CPED1: variants seen among roughly 807,000 people sequenced by gnomAD.
CPED1 encodes the protein cadherin-like and PC-esterase domain-containing protein 1.
A neutral mutation model predicts 128.2 loss-of-function variants in CPED1; 114 were observed. That is an observed-to-expected ratio of 0.89 (90% CI 0.76 to 1.04). The LOEUF (loss-of-function observed/expected upper bound fraction) is 1.04, where lower values mean the gene tolerates loss of function less well. Ranked by LOEUF, CPED1 falls within the 50% of genes least tolerant of loss-of-function variation. The probability of loss-of-function intolerance (pLI) is 0.00; values close to 1 mark genes in which losing one functional copy is unlikely to be tolerated. For missense variants in CPED1, 1,211 were observed against 1,207.1 expected (o/e 1.00, Z -0.05); for synonymous variants, 462 against 426.7 (o/e 1.08, Z -1.02).
At chr7:121,176,538 A>G (rs1450444772) in intron 16 of CPED1, among the ~76,000 whole-genome samples, 2 of 152,112 alleles carry the variant, frequency 1.3e-5, no homozygotes, top group Non-Finnish European at 2.9e-5. Context: ...GAGAATAACA[A>G]GAAAAATTAA....
intron 18 of CPED1, 52 bp downstream of exon 18, chr7:121,244,390 C>CT: frequency 6.3e-7 from 1 of 1,598,240 alleles, no homozygotes; most frequent in South Asian, 1.1e-5. Flanking sequence ...ACCTGAAGTA[C>CT]TAAAAATCGT....
intron 16 of CPED1, among the ~76,000 whole-genome samples, chr7:121,231,129 C>T (rs1798131728): frequency 6.6e-6 from 1 of 152,054 alleles, no homozygotes; most frequent in South Asian, 2.1e-4. Context: ...AAGGTCAGAC[C>T]TTAAAGGCTG....
intron 7 of CPED1, among the ~76,000 whole-genome samples, chr7:121,122,168 T>C (rs1248622952): frequency 8.1e-6 from 1 of 124,168 alleles, no homozygotes; most frequent in Non-Finnish European, 1.6e-5. Context: ...TGAGACAGAG[T>C]CTCGCTCTGT....
chr7:121,042,438 A>C (rs1341085189), intron 3 of CPED1, among the ~76,000 whole-genome samples: 1 of 152,156 alleles, frequency 6.6e-6, no homozygotes, highest in Non-Finnish European at 1.5e-5. Context: ...CTGTTTCCTC[A>C]CTTGTAAAGC....
intron 21 of CPED1, among the ~76,000 whole-genome samples, chr7:121,268,607 C>T (rs192658569): frequency 7.4e-4 from 113 of 151,964 alleles, no homozygotes; most frequent in Non-Finnish European, 7.2e-4. Flanking sequence ...TCTCCGTAGA[C>T]TTATCCCTTG....
chr7:121,194,037 TATATA>T lies in CPED1; in HGVS notation c.2056-42676_2056-42672del, dbSNP rs1797210386. ...CTCTCTCTCTCTATATATATATATATATATATATATATTTTTTTTTTTTTTTTTTG... is the reference window on the plus strand; with the variant it reads ...CTCTCTCTCTCTATATATATATATATTATATATTTTTTTTTTTTTTTTTTG... On this transcript the variant is annotated intron_variant, in intron 16 of 22. Coordinates refer to ENST00000310396, the MANE Select transcript of CPED1 (RefSeq NM_024913.5). Among the ~76,000 whole-genome samples the T allele has an allele frequency of 3.6e-5, 4 of 110,112 alleles. 1 individual carries two copies. The highest frequency in any genetic ancestry group is 1.5e-4 in the African/African-American group (4 of 27,232). 72.2% of individuals were successfully genotyped at this position (110,112 alleles called of 152,430 possible). A position where few individuals can be genotyped will look rare whatever the true frequency, so the allele number is the denominator to read the frequency against.
chr7:121,004,635 A>T (rs974206939), intron 2 of CPED1, among the ~76,000 whole-genome samples: 9 of 152,190 alleles, frequency 5.9e-5, no homozygotes, highest in Non-Finnish European at 1.0e-4. Context: ...GATGAGAAGC[A>T]CATTTTGTGG....
chr7:121,014,565 T>TAA (rs1178673534), intron 2 of CPED1, among the ~76,000 whole-genome samples: 2 of 137,744 alleles, frequency 1.5e-5, no homozygotes, highest in East Asian at 2.1e-4. Context: ...AAAAAAATAA[T>TAA]AATAATAATA....
At chr7:121,105,131 G>T (rs1794942902) in intron 7 of CPED1, among the ~76,000 whole-genome samples, 2 of 152,038 alleles carry the variant, frequency 1.3e-5, no homozygotes, top group Non-Finnish European at 2.9e-5. Flanking sequence ...CAGCAAATGT[G>T]CACAGAGGGC....
rs138338760 is a variant in CPED1, at chr7:121,183,829, T to C, written c.2055+41688T>C. 2.1e-3 allele frequency among the ~76,000 whole-genome samples: 321 copies of C among 152,284 alleles called. 1 individual carries two copies. The highest frequency in any genetic ancestry group is 7.4e-3 in the African/African-American group (308 of 41,564). On this transcript the variant is annotated intron_variant, in intron 16 of 22. Transcript: ENST00000310396. ...TATTAGACTGTTGATGATTAAAGAT[T>C]CATACAATTCACTTGGGGGTAGAGA...
rs539381950 is a variant in CPED1 at position 121,044,500 on chromosome 7, TATTA to T, written c.434-2381_434-2378del. On this transcript the variant is annotated intron_variant, in intron 3 of 22. Transcript: ENST00000310396. ...GTATTTTTAAATTATTAATTTAAAA[TATTA>T]ATTAAATATCTTTGAGGGATGAGGT... Among the ~76,000 whole-genome samples the T allele has an allele frequency of 1.6e-4, 24 of 152,088 alleles. No homozygotes were observed. The East Asian group carries it at 4.6e-3, about 29-fold the overall frequency.
intron 3 of CPED1, among the ~76,000 whole-genome samples, chr7:121,039,712 A>C (rs1353079088): frequency 6.6e-6 from 1 of 152,080 alleles, no homozygotes; most frequent in Non-Finnish European, 1.5e-5. Context: ...CATAAATGGC[A>C]TGAACACCTT....
intron 4 of CPED1, among the ~76,000 whole-genome samples, chr7:121,060,373 A>G (rs972799093): frequency 1.3e-5 from 2 of 152,232 alleles, no homozygotes; most frequent in Non-Finnish European, 2.9e-5. Flanking sequence ...CCGGTGCGGG[A>G]TCCACTGGGT....
intron 16 of CPED1, among the ~76,000 whole-genome samples, chr7:121,221,692 A>G (rs1022105273): frequency 6.6e-6 from 1 of 152,110 alleles, no homozygotes; most frequent in African/African-American, 2.4e-5. Flanking sequence ...TATGGTTTTG[A>G]TTTGCATTTC....
intron 16 of CPED1, among the ~76,000 whole-genome samples, chr7:121,235,664 A>T (rs1389551870): frequency 6.6e-6 from 1 of 152,186 alleles, no homozygotes. Flanking sequence ...TATGATAAGT[A>T]CTGGTTCCAT....
intron 2 of CPED1, among the ~76,000 whole-genome samples, chr7:120,992,873 T>C (rs1712796196): frequency 6.6e-6 from 1 of 152,194 alleles, no homozygotes; most frequent in South Asian, 2.1e-4. Context: ...GGTGGGTGAC[T>C]TTACCCTGCA....
In CPED1 at chr7:121,225,318, T is replaced by C. The variant is rs1343312416; in HGVS notation, c.2056-11396T>C. On this transcript the variant is annotated intron_variant, in intron 16 of 22. Transcript: ENST00000310396. The stretch of plus-strand genomic sequence containing the variant: ...ATATTGGCCCCCACTCTCTTCTGGC[T>C]TATAGGGTTTCTGCCGAGAGATCCA... Among the ~76,000 whole-genome samples, 5 of 152,208 alleles carry C rather than the reference T, an allele frequency of 3.3e-5. No individual in the cohort carries two copies. In the East Asian group the frequency reaches 9.7e-4, roughly 29 times the overall value.
chr7:121,145,544 G>A (rs1412371664), intron 16 of CPED1, among the ~76,000 whole-genome samples: 1 of 152,054 alleles, frequency 6.6e-6, no homozygotes, highest in Admixed American at 6.6e-5. Flanking sequence ...ACAAAAATGT[G>A]GCGTGAATAA....
Position 121,228,729 on chromosome 7 carries a change from T to C in CPED1, c.2056-7985T>C, listed in dbSNP as rs567695074. Among the ~76,000 whole-genome samples, 37 of 152,040 alleles carry C rather than the reference T, an allele frequency of 2.4e-4. No homozygotes were observed. The South Asian group carries it at 5.0e-3, about 20-fold the overall frequency. ...AGCACTATTCACAATAGCAAAGATATGAAATCAGCATAAGTGCCTATCAGT... is the reference window on the plus strand; with the variant it reads ...AGCACTATTCACAATAGCAAAGATACGAAATCAGCATAAGTGCCTATCAGT... On this transcript the variant is annotated intron_variant, in intron 16 of 22. Coordinates refer to ENST00000310396, the MANE Select transcript of CPED1 (RefSeq NM_024913.5).
Sources: gnomAD v4.1 joint callset for allele counts (sites outside exome capture counted in the v4.1 genomes callset) on GRCh38, gnomAD v4.1.1 for gene constraint, MANE v1.5 for transcripts, NCBI Gene and HGNC (gene_info 2026-07-23, HGNC 2026-07-21) for gene names.